The following PCDHGA4 variants were observed in gnomAD, a reference collection of about 807,000 sequenced individuals.
PCDHGA4 encodes protocadherin gamma subfamily A, 4.
A neutral mutation model predicts 54.6 loss-of-function variants in PCDHGA4; 38 were observed. The ratio of observed to expected loss-of-function variants is 0.70; its 90% CI spans 0.54 to 0.91. PCDHGA4 has a LOEUF of 0.91. PCDHGA4 is among the 40% of genes least tolerant of loss of function. The probability of loss-of-function intolerance (pLI) is 0.00; values close to 1 mark genes in which losing one functional copy is unlikely to be tolerated. For synonymous variants in PCDHGA4, 511 were observed against 512.9 expected (o/e 1.00, Z 0.05); for missense variants, 1,298 against 1,220.9 (o/e 1.06, Z -0.94).
chr5:141,462,051 G>A (rs1370612703), intron 1 of PCDHGA4, among the ~76,000 whole-genome samples: 2 of 152,068 alleles, frequency 1.3e-5, no homozygotes, highest in African/African-American at 4.8e-5. Context: ...TTGAACTCCC[G>A]ACCTCAGGTG....
At position 141,371,231 on chromosome 5, in the gene PCDHGA4, T is replaced by C. The variant is rs770415345; in HGVS notation, c.2514+13610T>C. 5.6e-6 allele frequency: 9 copies of C among 1,613,934 alleles called. No homozygotes were observed. In the African/African-American group the frequency reaches 6.7e-5, roughly 12 times the overall value. ...AGGGCATCAATGCCGAAATCATCTA[T>C]GCCTTCATCAATATTGGCAAGGAAG... On this transcript the variant is annotated intron_variant, in intron 1 of 3. Coordinates refer to ENST00000571252, the MANE Select transcript of PCDHGA4 (RefSeq NM_018917.4).
chr5:141,433,823 G>T (rs555746621), intron 1 of PCDHGA4, among the ~76,000 whole-genome samples: 2 of 144,288 alleles, frequency 1.4e-5, no homozygotes, highest in Non-Finnish European at 3.0e-5. Context: ...GGCAACAAGA[G>T]TGAAACTCTA....
intron 1 of PCDHGA4, among the ~76,000 whole-genome samples, chr5:141,439,406 C>T (rs2098110611): frequency 6.6e-6 from 1 of 152,190 alleles, no homozygotes; most frequent in Non-Finnish European, 1.5e-5. Flanking sequence ...CATGTGCTAA[C>T]ATCACTGAGG....
chr5:141,457,422 T>C (rs2098920028), intron 1 of PCDHGA4, among the ~76,000 whole-genome samples: 1 of 151,626 alleles, frequency 6.6e-6, no homozygotes. Flanking sequence ...CATCCCTTTT[T>C]CCCCCCCACC....
At chr5:141,420,341 G>A in intron 1 of PCDHGA4, 5 of 1,391,412 alleles carry the variant, frequency 3.6e-6, no homozygotes, top group Middle Eastern at 1.9e-4. Context: ...CAATATAGTG[G>A]TATTATTTTA....
intron 1 of PCDHGA4, chr5:141,394,909 C>A (rs1349151273): frequency 1.9e-6 from 3 of 1,613,418 alleles, no homozygotes; most frequent in East Asian, 4.5e-5. Context: ...GCAGTGGCTG[C>A]CATCTCCTGT....
chr5:141,474,358 C>A (rs189724264), intron 1 of PCDHGA4, among the ~76,000 whole-genome samples: 30 of 152,290 alleles, frequency 2.0e-4, no homozygotes, highest in African/African-American at 6.5e-4. Context: ...AGTCATGTCT[C>A]AGTAGGTCTA....
Position 141,485,057 on chromosome 5 carries a change from C to A in PCDHGA4, c.2515-9750C>A, listed in dbSNP as rs2099605934. ...GTAACCCTTGCGGCGCCGGCCGAACCGCGCCAGAGCTGGCGCGGGGAAAGG... is the reference window on the plus strand; with the variant it reads ...GTAACCCTTGCGGCGCCGGCCGAACAGCGCCAGAGCTGGCGCGGGGAAAGG... On this transcript the variant is annotated intron_variant, in intron 1 of 3. Coordinates refer to ENST00000571252, the MANE Select transcript of PCDHGA4 (RefSeq NM_018917.4). The surrounding 1 kb of genome is among the most constrained non-coding windows in gnomAD (Gnocchi z 5.7). The A allele has an allele frequency of 2.4e-6, 2 of 843,718 alleles. No homozygotes were observed. Among genetic ancestry groups the A allele is most frequent in the South Asian group, 1.7e-5 (1 of 59,950 alleles). 52.3% of individuals were successfully genotyped at this position (843,718 alleles called of 1,614,324 possible).
chr5:141,410,730 C>CT (rs1191642079), intron 1 of PCDHGA4: 2 of 1,347,822 alleles, frequency 1.5e-6, no homozygotes, highest in Admixed American at 2.5e-5. Context: ...AAATCCATAG[C>CT]TTTTTACAAT....
intron 3 of PCDHGA4, among the ~76,000 whole-genome samples, chr5:141,509,518 T>A (rs1441963133): frequency 6.6e-6 from 1 of 152,170 alleles, no homozygotes; most frequent in Non-Finnish European, 1.5e-5. Context: ...GTTGATGATG[T>A]ATTGCACAGG....
chr5:141,419,455 G>A lies in PCDHGA4; in HGVS notation c.2514+61834G>A, dbSNP rs770156844. 8.1e-6 allele frequency: 13 copies of A among 1,612,598 alleles called. No homozygotes were observed. The African/African-American group carries it at 1.7e-4, about 22-fold the overall frequency. ...AGCTGCGCACCTTCGAGCTCACGCT[G>A]CAGGCCCGCGACCAGGGCTCGCCCG... is the stretch of plus-strand genomic sequence containing the variant. On this transcript the variant is annotated intron_variant, in intron 1 of 3. Coordinates refer to ENST00000571252, the MANE Select transcript of PCDHGA4 (RefSeq NM_018917.4).
At chr5:141,450,147 C>T (rs1322871298) in intron 1 of PCDHGA4, among the ~76,000 whole-genome samples, 2 of 151,774 alleles carry the variant, frequency 1.3e-5, no homozygotes, top group African/African-American at 4.8e-5. Context: ...GCTGGGACTA[C>T]AGGCATGTGC....
chr5:141,386,345 AG>A (rs2090538065), intron 1 of PCDHGA4, among the ~76,000 whole-genome samples: 1 of 152,200 alleles, frequency 6.6e-6, no homozygotes, highest in Admixed American at 6.5e-5. Context: ...GTGGATGACA[AG>A]GTAATCTTGA....
Position 141,429,390 on chromosome 5 carries a change from A to ATTTT in PCDHGA4, c.2515-65417_2515-65416insTTTT, listed in dbSNP as rs1561841316. ...TGGAGAAAATGTGTTTTTTTTTTAA[A>ATTTT]AAAAATTGAGATTAAGGTCTCATTA... On this transcript the variant is annotated intron_variant, in intron 1 of 3. Coordinates refer to ENST00000571252, the MANE Select transcript of PCDHGA4 (RefSeq NM_018917.4). 1.2e-4 allele frequency among the ~76,000 whole-genome samples: 18 copies of ATTTT among 150,328 alleles called. No homozygotes were observed. In the East Asian group the frequency reaches 1.9e-3, roughly 16 times the overall value.
intron 1 of PCDHGA4, chr5:141,371,392 T>A (rs1767716213): frequency 6.2e-7 from 1 of 1,613,846 alleles, no homozygotes; most frequent in African/African-American, 1.3e-5. Flanking sequence ...TATTGTAAAG[T>A]ACAGATAGAT....
intron 1 of PCDHGA4, chr5:141,433,358 CCTAT>C (rs3074541): frequency 0.23 from 113,181 of 502,952 alleles, 11,570 homozygotes; most frequent in Non-Finnish European, 0.24. Flanking sequence ...CTACTGTCTG[CCTAT>C]CTATCTATCT....
intron 1 of PCDHGA4, chr5:141,379,535 GGAAA>G (rs1209928987): frequency 6.6e-6 from 1 of 152,098 alleles, no homozygotes; most frequent in Non-Finnish European, 1.5e-5. Flanking sequence ...GTTGTTATAG[GGAAA>G]GCTCACTAAC....
intron 1 of PCDHGA4, chr5:141,365,086 A>G: frequency 6.2e-7 from 1 of 1,613,892 alleles, no homozygotes; most frequent in Non-Finnish European, 8.5e-7. Context: ...TGAGTGTTCC[A>G]GAGAACATAC....
intron 1 of PCDHGA4, chr5:141,426,560 G>A (rs1358683534): frequency 5.7e-6 from 2 of 352,756 alleles, no homozygotes; most frequent in South Asian, 2.1e-5. Flanking sequence ...AGAATAGATC[G>A]AGAGTCACTG....
Sources: allele counts gnomAD v4.1 joint callset (sites outside exome capture counted in the v4.1 genomes callset), GRCh38; gene constraint gnomAD v4.1.1; non-coding constraint Gnocchi (gnomAD v3.1); transcripts MANE v1.5; gene names NCBI Gene and HGNC (gene_info 2026-07-23, HGNC 2026-07-21).